Variants in SI observed in about 807,000 individuals in gnomAD.
SI encodes the protein sucrase-isomaltase, intestinal.
SI carries 235 observed loss-of-function variants against 253.3 expected under a neutral mutation model. The ratio of observed to expected loss-of-function variants is 0.93; its 90% CI spans 0.83 to 1.03. The LOEUF is 1.03. SI is among the 50% of genes least tolerant of loss of function. SI has a pLI of 0.00. For synonymous variants in SI, 819 were observed against 712.0 expected (o/e 1.15, Z -2.39); for missense variants, 2,442 against 2,211.1 (o/e 1.10, Z -2.09).
chr3:164,995,205 T>C lies in SI; in HGVS notation c.4693-800A>G, dbSNP rs151245106. On this transcript the variant is annotated intron_variant, in intron 40 of 47. Coordinates refer to ENST00000264382, the MANE Select transcript of SI (RefSeq NM_001041.4). ...CGATGATGATTCCAATTTTTCTGTA[T>C]TTTAAGAGTAAGAAAGTTTGAATGA... 4.3e-3 allele frequency among the ~76,000 whole-genome samples: 649 copies of C among 151,910 alleles called. 3 individuals are homozygous for C. The highest frequency in any genetic ancestry group is 0.015 in the African/African-American group (631 of 41,504).
At chr3:165,086,338 T>C in the SI span, among the ~76,000 whole-genome samples, 1 of 152,198 alleles carries the variant, frequency 6.6e-6, no homozygotes, top group African/African-American at 2.4e-5. Context: ...GTTTCACTCT[T>C]ACCCAACAAA....
At chr3:165,084,259 G>A in the SI span, among the ~76,000 whole-genome samples, 2 of 151,956 alleles carry the variant, frequency 1.3e-5, no homozygotes, top group Non-Finnish European at 2.9e-5. Flanking sequence ...ATTGATCTTG[G>A]ATTTCTCAAC....
At position 165,068,789 on chromosome 3, in the gene SI, A is replaced by G; in HGVS notation, c.416T>C (p.Phe139Ser). ...GAGAACACTGTTGATGTCATTTCCA[A>G]ATAGTGTAGGTGAAGGTATCCTGTT... is the stretch of plus-strand genomic sequence containing the variant. ...KLNRIPSPTL[F>S]GNDINSVLFT... The change falls in exon 5 of 48, where the codon TTT becomes TCT. Residue 139 changes from phenylalanine to serine, a missense_variant. Phe to Ser is a radical substitution (Grantham distance 155). Coordinates refer to ENST00000264382, the MANE Select transcript of SI (RefSeq NM_001041.4). The G allele has an allele frequency of 1.2e-6, 2 of 1,613,892 alleles. No homozygotes were observed. The highest frequency in any genetic ancestry group is 8.5e-7 in the Non-Finnish European group (1 of 1,179,856).
In SI at chr3:165,065,375, G is replaced by T. The variant is rs1414183067; in HGVS notation, c.693C>A (p.Thr231=). ...VYSDQYLQIS[T]RLPSDYIYGI... ...CATAAATATAATCACTTGGAAGACGGGTTGAGATCTGTAAGTACTGGTCAG... is the reference window on the plus strand; with the variant it reads ...CATAAATATAATCACTTGGAAGACGTGTTGAGATCTGTAAGTACTGGTCAG... Residue 231 remains threonine (T), a synonymous_variant, in exon 7 of 48, where the codon ACC becomes ACA. Transcript: ENST00000264382. 7 of 1,587,806 alleles carry T rather than the reference G, an allele frequency of 4.4e-6. No individual in the cohort carries two copies. In the African/African-American group the frequency reaches 8.2e-5, roughly 19 times the overall value.
chr3:164,985,859 C>T (rs530651565), intron 45 of SI, among the ~76,000 whole-genome samples: 1 of 152,074 alleles, frequency 6.6e-6, no homozygotes, highest in African/African-American at 2.4e-5. Context: ...TGAATGAGTC[C>T]TATAATCTGC....
Position 164,979,028 on chromosome 3 carries a change from A to C in SI, c.*334T>G, listed in dbSNP as rs1475428802. On this transcript the variant is annotated 3_prime_UTR_variant, in exon 48 of 48. Transcript: ENST00000264382. ...AGAAAAATATAGTATATATAATTAC[A>C]TAAAAATTTTATTTAATTTAAAAAT... 5.9e-6 allele frequency: 1 copy of C among 169,322 alleles called. No homozygotes were observed. The highest frequency in any genetic ancestry group is 2.4e-5 in the African/African-American group (1 of 41,398). 10.5% of individuals were successfully genotyped at this position (169,322 alleles called of 1,614,324 possible).
intron 40 of SI, 64 bp downstream of exon 40, chr3:164,996,471 C>T (rs375448215): frequency 5.1e-4 from 471 of 924,766 alleles, no homozygotes; most frequent in Middle Eastern, 1.7e-3. Context: ...GCCATGTACA[C>T]TAAAGTATAA....
At chr3:165,022,175 T>A (rs1347906344) in intron 26 of SI, among the ~76,000 whole-genome samples, 1 of 151,608 alleles carries the variant, frequency 6.6e-6, no homozygotes, top group Non-Finnish European at 1.5e-5. Context: ...GCTTTCCCTA[T>A]GTCACATCTT....
chr3:165,014,548 C>G (rs1718936421), intron 33 of SI, among the ~76,000 whole-genome samples: 1 of 152,022 alleles, frequency 6.6e-6, no homozygotes, highest in Non-Finnish European at 1.5e-5. Context: ...CACGCCTGGC[C>G]CTCATCATAG....
chr3:165,003,177 T>C (rs541957845), intron 37 of SI, among the ~76,000 whole-genome samples: 1 of 151,956 alleles, frequency 6.6e-6, no homozygotes, highest in Non-Finnish European at 1.5e-5. Flanking sequence ...TCAAGAATCA[T>C]GTTTGACTCT....
chr3:165,087,936 C>G, the SI span, among the ~76,000 whole-genome samples: 1 of 152,072 alleles, frequency 6.6e-6, no homozygotes, highest in African/African-American at 2.4e-5. Context: ...AGAAGGTATA[C>G]TACAGGAGAA....
intron 17 of SI, among the ~76,000 whole-genome samples, chr3:165,041,919 G>A (rs13062602): frequency 0.58 from 88,171 of 151,740 alleles, 26,004 homozygotes; most frequent in East Asian, 0.81. Context: ...AGAAAGGTCA[G>A]TGGTCAACTT....
At chr3:165,062,721 C>T (rs544711387) in intron 8 of SI, among the ~76,000 whole-genome samples, 1 of 152,068 alleles carries the variant, frequency 6.6e-6, no homozygotes, top group East Asian at 1.9e-4. Flanking sequence ...GTGGCAAAAG[C>T]TCCCCTGGAT....
upstream of SI, among the ~76,000 whole-genome samples, chr3:165,079,481 A>G (rs1715208240): frequency 6.6e-6 from 1 of 151,784 alleles, no homozygotes; most frequent in Non-Finnish European, 1.5e-5. Flanking sequence ...AAAAGTATGC[A>G]TGGATTGTTG....
chr3:164,987,403 T>C (rs955411759), intron 44 of SI, among the ~76,000 whole-genome samples, 177 bp from the exon 45 acceptor site: 2 of 152,144 alleles, frequency 1.3e-5, no homozygotes, highest in African/African-American at 4.8e-5. Flanking sequence ...AGGAATGATA[T>C]AAAACAATAA....
At chr3:165,046,019 C>A (rs1383601514) in intron 16 of SI, among the ~76,000 whole-genome samples, 1 of 151,602 alleles carries the variant, frequency 6.6e-6, no homozygotes, top group Non-Finnish European at 1.5e-5. Context: ...TTGGTAGAGA[C>A]AGGGTTTCAC....
Position 164,979,266 on chromosome 3 carries a change from G to A in SI, c.*96C>T. The A allele has an allele frequency of 1.3e-6, 1 of 779,466 alleles. No homozygotes were observed. The highest frequency in any genetic ancestry group is 2.3e-4 in the Middle Eastern group (1 of 4,370). The allele number at this position is 779,466 out of a possible 1,614,324, so 48.3% of individuals were successfully genotyped here. The stretch of plus-strand genomic sequence containing the variant: ...GATGTTATGAAAGCTATATTTTGTA[G>A]AGTACAAGAACCAAGTGAAGAGGGA... On this transcript the variant is annotated 3_prime_UTR_variant, in exon 48 of 48. Transcript: ENST00000264382.
At chr3:164,992,932 T>G (rs1717834944) in intron 41 of SI, among the ~76,000 whole-genome samples, 1 of 151,800 alleles carries the variant, frequency 6.6e-6, no homozygotes, top group Admixed American at 6.6e-5. Flanking sequence ...AGGTTTTTTT[T>G]TTGTTTGTTT....
At chr3:165,025,165 C>A (rs150272143) in intron 25 of SI, among the ~76,000 whole-genome samples, 2 of 151,148 alleles carry the variant, frequency 1.3e-5, no homozygotes, top group Non-Finnish European at 3.0e-5. Flanking sequence ...AAGCTTATTT[C>A]GTTGATGATA....
Sources: allele counts gnomAD v4.1 joint callset (sites outside exome capture counted in the v4.1 genomes callset), GRCh38; gene constraint gnomAD v4.1.1; transcripts MANE v1.5; gene names NCBI Gene and HGNC (gene_info 2026-07-23, HGNC 2026-07-21).